The following BAZ1B variants were observed in gnomAD, a reference collection of about 807,000 sequenced individuals.
BAZ1B encodes the protein bromodomain adjacent to zinc finger domain 1B.
In BAZ1B, 22 loss-of-function variants were observed where a neutral mutation model predicts 153.8. That is an observed-to-expected ratio of 0.14 (90% CI 0.10 to 0.20). The LOEUF (loss-of-function observed/expected upper bound fraction) is 0.20. Ranked by LOEUF, BAZ1B falls within the 10% of genes least tolerant of loss-of-function variation. The pLI, the probability that BAZ1B is intolerant of heterozygous loss-of-function variation, is 1.00. For synonymous variants in BAZ1B, 676 were observed against 633.4 expected (o/e 1.07, Z -1.01); for missense variants, 1,325 against 1,799.3 (o/e 0.74, Z 4.77).
chr7:73,476,530 G>C (rs1262657493), intron 7 of BAZ1B, among the ~76,000 whole-genome samples: 3 of 152,162 alleles, frequency 2.0e-5, no homozygotes, highest in Non-Finnish European at 2.9e-5. Flanking sequence ...ACACTGTACA[G>C]CTAAGTCAGA....
chr7:73,518,172 CG>C lies in BAZ1B; in HGVS notation c.107+3654del, dbSNP rs1354842592. 6.6e-5 allele frequency among the ~76,000 whole-genome samples: 10 copies of C among 151,056 alleles called. No individual in the cohort carries two copies. The East Asian group carries it at 1.6e-3, about 24-fold the overall frequency. Reference sequence around the variant, plus strand: ...ATCCCAGAACTATGGGAGGCCGAGGCGGGCGGATCATAAGGTCAGGAGATCA... The same window carrying C: ...ATCCCAGAACTATGGGAGGCCGAGGCGGCGGATCATAAGGTCAGGAGATCA... On this transcript the variant is annotated intron_variant, in intron 1 of 19. Transcript: ENST00000339594.
At chr7:73,492,628 A>C (rs2116390718) in intron 5 of BAZ1B, among the ~76,000 whole-genome samples, 172 bp downstream of exon 5, 1 of 152,370 alleles carries the variant, frequency 6.6e-6, no homozygotes, top group East Asian at 1.9e-4. Flanking sequence ...TAGGAAAGAA[A>C]ATATAATTTA....
At chr7:73,443,084 G>A (rs1293771882) in intron 17 of BAZ1B, among the ~76,000 whole-genome samples, 2 of 152,172 alleles carry the variant, frequency 1.3e-5, no homozygotes, top group African/African-American at 2.4e-5. Context: ...AGCGGGGGCC[G>A]CCTTTACCAG....
intron 6 of BAZ1B, among the ~76,000 whole-genome samples, chr7:73,479,927 T>C (rs1789135452): frequency 6.6e-6 from 1 of 152,076 alleles, no homozygotes; most frequent in African/African-American, 2.4e-5. Flanking sequence ...CCCAGCACTT[T>C]CGGAGGCCAA....
At chr7:73,508,780 G>C (rs1342033619) in intron 2 of BAZ1B, among the ~76,000 whole-genome samples, 1 of 150,992 alleles carries the variant, frequency 6.6e-6, no homozygotes, top group East Asian at 2.0e-4. Flanking sequence ...TTGGGAGGCC[G>C]AGGCGGGTGG....
At chr7:73,506,472 C>A (rs1192276810) in intron 3 of BAZ1B, among the ~76,000 whole-genome samples, 1 of 150,272 alleles carries the variant, frequency 6.7e-6, no homozygotes, top group African/African-American at 2.5e-5. Flanking sequence ...GCACTCCAGC[C>A]TAGGCAACAG....
intron 16 of BAZ1B, among the ~76,000 whole-genome samples, chr7:73,445,461 C>T (rs1787797910): frequency 6.6e-6 from 1 of 152,126 alleles, no homozygotes; most frequent in South Asian, 2.1e-4. Context: ...TTTGGCAAGT[C>T]GAGGCCGTAA....
intron 1 of BAZ1B, among the ~76,000 whole-genome samples, chr7:73,520,944 T>G (rs1231354919): frequency 6.6e-6 from 1 of 151,942 alleles, no homozygotes; most frequent in Non-Finnish European, 1.5e-5. Flanking sequence ...ACGATTCTTC[T>G]GGCACCCATT....
rs1788453225 is a variant in BAZ1B at position 73,463,095 on chromosome 7, G to C, written c.3076C>G (p.Gln1026Glu). ...QLKERLEKRYQDIIHSIHLAR... is the reference protein window; with the variant it reads ...QLKERLEKRYEDIIHSIHLAR... Reference sequence around the variant, plus strand: ...AGATGAATAGAGTGAATAATGTCCTGGTACCTAGAAGATTTGGGACAAGAG... The same window carrying C: ...AGATGAATAGAGTGAATAATGTCCTCGTACCTAGAAGATTTGGGACAAGAG... The change falls in exon 12 of 20, where the codon CAG (glutamine) becomes GAG (glutamate). Residue 1026 changes from glutamine to glutamate, a missense_variant. Around this residue, in one of 9 missense-constraint regions of BAZ1B, gnomAD observed 431 missense variants for 563.5 expected, o/e 0.76. Coordinates refer to ENST00000339594, the MANE Select transcript of BAZ1B (RefSeq NM_032408.4). 7 of 1,604,356 alleles carry C rather than the reference G, an allele frequency of 4.4e-6. No homozygotes were observed. In the East Asian group the frequency reaches 1.6e-4, roughly 36 times the overall value.
In BAZ1B at chr7:73,442,759, T is replaced by C; in HGVS notation, c.4060A>G (p.Lys1354Glu). Residue 1354 changes from lysine to glutamate, a missense_variant, in exon 18 of 20, where the codon AAG becomes GAG. Transcript: ENST00000339594. Reference sequence around the variant, plus strand: ...CAGCTGAAGCGGTACTTCACGATCTTGTGGAGGATCTCTTCACACTTCTGC... The same window carrying C: ...CAGCTGAAGCGGTACTTCACGATCTCGTGGAGGATCTCTTCACACTTCTGC... ...ELQKCEEILH[K>E]IVKYRFSWPF... 3.7e-6 allele frequency: 6 copies of C among 1,614,170 alleles called. No homozygotes were observed. Among genetic ancestry groups the C allele is most frequent in the Non-Finnish European group, 5.1e-6 (6 of 1,180,026 alleles).
intron 3 of BAZ1B, among the ~76,000 whole-genome samples, chr7:73,503,187 T>A (rs893381792): frequency 6.6e-6 from 1 of 152,246 alleles, no homozygotes; most frequent in East Asian, 1.9e-4. Context: ...TTCCAAAATA[T>A]ATGTGCTATT....
chr7:73,478,600 T>A (rs1385423533), intron 6 of BAZ1B, 31 bp from the exon 7 acceptor site: 3 of 1,458,142 alleles, frequency 2.1e-6, no homozygotes, highest in Non-Finnish European at 2.7e-6. Flanking sequence ...CAAAATTAAT[T>A]TTAAAATCTA....
chr7:73,463,202 G>C (rs1403055037), intron 11 of BAZ1B, 103 bp from the exon 12 acceptor site: 3 of 1,016,016 alleles, frequency 3.0e-6, no homozygotes, highest in South Asian at 1.6e-5. Context: ...AACTTACTTA[G>C]ATCTCTTTCA....
chr7:73,444,651 G>C (rs1787756437), intron 16 of BAZ1B, among the ~76,000 whole-genome samples: 1 of 152,170 alleles, frequency 6.6e-6, no homozygotes, highest in Non-Finnish European at 1.5e-5. Context: ...GGGCCACAAG[G>C]CTCCTCATTA....
At chr7:73,506,370 G>T (rs1178700421) in intron 3 of BAZ1B, among the ~76,000 whole-genome samples, 1 of 152,008 alleles carries the variant, frequency 6.6e-6, no homozygotes, top group East Asian at 1.9e-4. Flanking sequence ...GTGGTGGTGG[G>T]CACCTGTAGT....
rs781885497 is a variant in BAZ1B at position 73,478,524 on chromosome 7, G to A, written c.937C>T (p.Pro313Ser). ...PSTKRKNTGS[P>S]DRKPSKKSKT... ...GATTTCTTTGAGGGCTTCCTGTCTG[G>A]GGATCCAGTATTCTTCCTCTTAGTA... The change falls in exon 7 of 20, where the codon CCA (proline) becomes TCA (serine). Residue 313 changes from proline (P) to serine (S), a missense_variant. By Grantham distance (74) the Pro-to-Ser change is moderately conservative. Transcript: ENST00000339594. 6.0e-5 allele frequency: 95 copies of A among 1,577,438 alleles called. No homozygotes were observed. The highest frequency in any genetic ancestry group is 7.8e-5 in the Non-Finnish European group (91 of 1,164,442).
At chr7:73,492,281 G>C (rs1789681145) in intron 5 of BAZ1B, among the ~76,000 whole-genome samples, 1 of 152,204 alleles carries the variant, frequency 6.6e-6, no homozygotes, top group Non-Finnish European at 1.5e-5. Context: ...TCCTGCCTCA[G>C]CCTCCTGAGT....
intron 4 of BAZ1B, among the ~76,000 whole-genome samples, chr7:73,493,856 A>AT (rs1491182126): frequency 1.3e-5 from 2 of 148,606 alleles, no homozygotes; most frequent in Non-Finnish European, 3.0e-5. Flanking sequence ...AAAAAAAAAA[A>AT]GAGAGAGAGA....
At chr7:73,495,905 C>T (rs117805081) in intron 4 of BAZ1B, among the ~76,000 whole-genome samples, 3,770 of 152,274 alleles carry the variant, frequency 0.025, 51 homozygotes, top group Non-Finnish European at 0.039. Context: ...GGGTACTAGG[C>T]TTAACACTTG....
Sources: gnomAD v4.1 joint callset for allele counts (sites outside exome capture counted in the v4.1 genomes callset) on GRCh38, gnomAD v4.1.1 for gene constraint, gnomAD v4.1.1 regional missense constraint, MANE v1.5 for transcripts, NCBI Gene and HGNC (gene_info 2026-07-23, HGNC 2026-07-21) for gene names.